RNF24: variants seen among roughly 807,000 people sequenced by gnomAD.
RNF24 encodes the protein ring finger protein 24.
A neutral mutation model predicts 20.0 loss-of-function variants in RNF24; 14 were observed. The observed-to-expected ratio is 0.70, with a 90% CI of 0.46 to 1.10. RNF24 has a LOEUF of 1.10. Among genes scored for constraint, RNF24 ranks in the 50% least tolerant of loss-of-function variants. RNF24 has a pLI of 0.00. For synonymous variants in RNF24, 45 were observed against 61.1 expected, an observed-to-expected ratio of 0.74 and a Z score of 1.23; for missense variants, 124 against 177.6, an observed-to-expected ratio of 0.70 and a Z score of 1.71.
chr20:3,986,505 C>T (rs1014363169), intron 1 of RNF24, among the ~76,000 whole-genome samples: 1 of 152,186 alleles, frequency 6.6e-6, no homozygotes, highest in African/African-American at 2.4e-5. Flanking sequence ...ATCCCCCCTG[C>T]CTTGGCCTCC....
At chr20:3,946,878 G>A (rs547430743) in intron 3 of RNF24, among the ~76,000 whole-genome samples, 31 of 152,002 alleles carry the variant, frequency 2.0e-4, no homozygotes, top group Non-Finnish European at 4.0e-4. Context: ...AAACATACAT[G>A]GACGAAAGAT....
intron 1 of RNF24, among the ~76,000 whole-genome samples, chr20:3,971,574 G>A (rs7269586): frequency 0.37 from 56,559 of 151,998 alleles, 11,793 homozygotes; most frequent in Non-Finnish European, 0.47. Context: ...TATTTAAGAT[G>A]AGCATATTAA....
chr20:3,983,965 A>C (rs6139265), intron 1 of RNF24, among the ~76,000 whole-genome samples: 9 of 128,854 alleles, frequency 7.0e-5, no homozygotes, highest in South Asian at 5.1e-4. Flanking sequence ...AAAAAAAAAA[A>C]CAAGTGAAAA....
At chr20:4,012,804 G>C (rs1198942867) in intron 1 of RNF24, among the ~76,000 whole-genome samples, 1 of 152,112 alleles carries the variant, frequency 6.6e-6, no homozygotes, top group Non-Finnish European at 1.5e-5. Flanking sequence ...AGTCACTCTT[G>C]CAAAATTAAA....
At chr20:3,958,147 AC>A (rs1475084675) in intron 2 of RNF24, among the ~76,000 whole-genome samples, 1 of 152,132 alleles carries the variant, frequency 6.6e-6, no homozygotes, top group Non-Finnish European at 1.5e-5. Flanking sequence ...TTCTACAGCT[AC>A]CCTCATCTCT....
chr20:3,936,203 G>A (rs1382279644), intron 4 of RNF24, among the ~76,000 whole-genome samples: 1 of 152,216 alleles, frequency 6.6e-6, no homozygotes, highest in African/African-American at 2.4e-5. Flanking sequence ...GACCTTCACA[G>A]GAGGAGAATG....
At chr20:3,937,738 C>G (rs2090908233) in intron 4 of RNF24, among the ~76,000 whole-genome samples, 1 of 152,132 alleles carries the variant, frequency 6.6e-6, no homozygotes. Flanking sequence ...GCTTCTTTCC[C>G]TTAGCATAAT....
intron 1 of RNF24, among the ~76,000 whole-genome samples, chr20:3,998,801 C>T (rs1198364220): frequency 6.7e-6 from 1 of 150,096 alleles, no homozygotes; most frequent in African/African-American, 2.5e-5. Flanking sequence ...TAACACGTGA[C>T]TGGGTGTGGT....
chr20:3,994,047 C>A (rs1360756573), intron 1 of RNF24, among the ~76,000 whole-genome samples: 4 of 152,190 alleles, frequency 2.6e-5, no homozygotes, highest in Non-Finnish European at 5.9e-5. Context: ...TCCCACATTG[C>A]ATTAATTGTA....
At chr20:4,008,832 A>T (rs1435301039) in intron 1 of RNF24, among the ~76,000 whole-genome samples, 1 of 151,952 alleles carries the variant, frequency 6.6e-6, no homozygotes, top group Non-Finnish European at 1.5e-5. Context: ...GGCATAAGCC[A>T]CCATGCCCGG....
chr20:3,976,776 A>G (rs1020509192), intron 1 of RNF24, among the ~76,000 whole-genome samples: 2 of 152,238 alleles, frequency 1.3e-5, no homozygotes, highest in Non-Finnish European at 2.9e-5. Flanking sequence ...AGCCAATCCC[A>G]GGTTACATAC....
chr20:3,954,786 C>T (rs2091122607), intron 2 of RNF24, among the ~76,000 whole-genome samples: 1 of 151,880 alleles, frequency 6.6e-6, no homozygotes, highest in South Asian at 2.1e-4. Context: ...GTAATCCCAA[C>T]TACTTGGGAG....
intron 1 of RNF24, among the ~76,000 whole-genome samples, chr20:3,967,534 T>C (rs1426493120): frequency 8.5e-5 from 13 of 152,182 alleles, no homozygotes. Flanking sequence ...ACTTGAGATT[T>C]GGATGCCTAC....
At chr20:3,992,558 T>C (rs915810750) in intron 1 of RNF24, among the ~76,000 whole-genome samples, 1 of 152,194 alleles carries the variant, frequency 6.6e-6, no homozygotes, top group Non-Finnish European at 1.5e-5. Context: ...TTTGTACACT[T>C]CAGTATTTTG....
intron 1 of RNF24, among the ~76,000 whole-genome samples, chr20:3,975,850 C>T (rs1978823768): frequency 1.3e-5 from 2 of 151,996 alleles, no homozygotes; most frequent in South Asian, 4.2e-4. Flanking sequence ...TTCTCAGAGC[C>T]CTCAGAAGGA....
At position 3,935,089 on chromosome 20, in the gene RNF24, A is replaced by G. The variant is rs757431776; in HGVS notation, c.229-16T>C. The G allele has an allele frequency of 2.5e-6, 4 of 1,612,410 alleles. No individual in the cohort carries two copies. Among genetic ancestry groups the G allele is most frequent in the Admixed American group, 3.3e-5 (2 of 59,998 alleles). On this transcript the variant is annotated splice_polypyrimidine_tract_variant and intron_variant, in intron 4 of 5. Coordinates refer to ENST00000358395, the MANE Select transcript of RNF24 (RefSeq NM_001134337.3). ...CTGCACAGAGCTGAAAGACAAATGC[A>G]CAAATGAAGCCAAGTGTCTGTTAAG...
At chr20:3,962,733 G>A (rs181106124) in intron 2 of RNF24, among the ~76,000 whole-genome samples, 91 of 148,464 alleles carry the variant, frequency 6.1e-4, no homozygotes, top group African/African-American at 1.7e-3. Flanking sequence ...TTTTTGAGAC[G>A]GAGTTTTGTT....
chr20:3,940,366 A>G (rs941923634), intron 4 of RNF24, among the ~76,000 whole-genome samples: 3 of 152,078 alleles, frequency 2.0e-5, no homozygotes, highest in Admixed American at 2.0e-4. Context: ...GTGAACTAGA[A>G]GACAGAACAC....
At chr20:3,993,524 T>C (rs1804489814) in intron 1 of RNF24, among the ~76,000 whole-genome samples, 1 of 152,186 alleles carries the variant, frequency 6.6e-6, no homozygotes, top group Non-Finnish European at 1.5e-5. Context: ...TGACCTCAAG[T>C]GATCTGCCCA....
Sources: allele counts gnomAD v4.1 joint callset (sites outside exome capture counted in the v4.1 genomes callset), GRCh38; gene constraint gnomAD v4.1.1; transcripts MANE v1.5; gene names NCBI Gene and HGNC (gene_info 2026-07-23, HGNC 2026-07-21).